MBD2: variants seen among roughly 807,000 people sequenced by gnomAD.
MBD2 encodes the protein methyl-CpG binding domain protein 2.
In MBD2, 9 loss-of-function variants were observed where a neutral mutation model predicts 39.3. The ratio of observed to expected loss-of-function variants is 0.23; its 90% CI spans 0.14 to 0.40. MBD2 has a LOEUF of 0.40. Ranked by LOEUF, MBD2 falls within the 10% of genes least tolerant of loss-of-function variation. MBD2 has a pLI of 1.00. For synonymous variants in MBD2, 233 were observed against 211.1 expected (o/e 1.10, Z -0.90); for missense variants, 458 against 532.6 (o/e 0.86, Z 1.38).
intron 2 of MBD2, among the ~76,000 whole-genome samples, 175 bp downstream of exon 2, chr18:54,204,823 T>A (rs938730176): frequency 1.3e-5 from 2 of 152,170 alleles, no homozygotes; most frequent in Admixed American, 6.5e-5. Context: ...GAAATGCTGT[T>A]TTCTACTGTG....
At chr18:54,204,698 C>G (rs532104718) in intron 2 of MBD2, among the ~76,000 whole-genome samples, 1 of 152,244 alleles carries the variant, frequency 6.6e-6, no homozygotes, top group South Asian at 2.1e-4. Context: ...TTTTGGTCAA[C>G]AGGAACTATT....
rs550286489 is a variant in MBD2, at chr18:54,181,562, C to T, written c.840+7312G>A. Among the ~76,000 whole-genome samples, 51 of 152,038 alleles carry T rather than the reference C, an allele frequency of 3.4e-4. No individual in the cohort carries two copies. The South Asian group carries it at 9.8e-3, about 29-fold the overall frequency. On this transcript the variant is annotated intron_variant, in intron 3 of 6. Coordinates refer to ENST00000256429, the MANE Select transcript of MBD2 (RefSeq NM_003927.5). Reference sequence around the variant, plus strand: ...TCGCCCAGGCTGGAGTGCAGCGGTGCGATCTCGGCTCACTACAACCTCCAC... The same window carrying T: ...TCGCCCAGGCTGGAGTGCAGCGGTGTGATCTCGGCTCACTACAACCTCCAC...
At chr18:54,199,994 A>G (rs1203966664) in intron 2 of MBD2, among the ~76,000 whole-genome samples, 5 of 152,190 alleles carry the variant, frequency 3.3e-5, no homozygotes, top group African/African-American at 1.2e-4. Context: ...TTTCTAGATC[A>G]TGTGACTGAG....
chr18:54,193,123 C>G (rs1421770267), intron 2 of MBD2, among the ~76,000 whole-genome samples: 2 of 152,206 alleles, frequency 1.3e-5, no homozygotes, highest in African/African-American at 4.8e-5. Flanking sequence ...ACAGTCAATT[C>G]TATTACCTCT....
At chr18:54,212,982 T>C (rs1391108090) in intron 1 of MBD2, among the ~76,000 whole-genome samples, 1 of 141,004 alleles carries the variant, frequency 7.1e-6, no homozygotes, top group Non-Finnish European at 1.5e-5. Context: ...CAGTGAGCCA[T>C]GACCACATCA....
chr18:54,190,317 G>A (rs1159897602), intron 2 of MBD2, among the ~76,000 whole-genome samples: 2 of 152,156 alleles, frequency 1.3e-5, no homozygotes, highest in African/African-American at 2.4e-5. Flanking sequence ...CCCCAGGTCT[G>A]TTTGGGTTTT....
intron 5 of MBD2, among the ~76,000 whole-genome samples, chr18:54,161,794 C>T (rs898399879): frequency 2.1e-4 from 32 of 152,176 alleles, no homozygotes; most frequent in Non-Finnish European, 4.6e-4. Flanking sequence ...ATAATTCTCT[C>T]CTCTTAAGGG....
chr18:54,224,361 C>T lies in MBD2; in HGVS notation c.199G>A (p.Ala67Thr). 1 of 1,181,808 alleles carries T rather than the reference C, an allele frequency of 8.5e-7. No individual in the cohort carries two copies. The highest frequency in any genetic ancestry group is 1.0e-6 in the Non-Finnish European group (1 of 954,872). 73.2% of individuals were successfully genotyped at this position (1,181,808 alleles called of 1,614,324 possible). A position where few individuals can be genotyped will look rare whatever the true frequency, so the allele number is the denominator to read the frequency against. Residue 67 changes from alanine to threonine, a missense_variant, in exon 1 of 7, where the codon GCG (alanine) becomes ACG (threonine). Physicochemically the swap from Ala to Thr is moderately conservative, Grantham distance 58. Transcript: ENST00000256429. ...GGRGRGRWKQ[A>T]GRGGGVCGRG... ...CCACAGACGCCGCCGCCCCGGCCCG[C>T]CTGCTTCCACCGCCCCCGGCCACGG...
chr18:54,224,297 C>G lies in MBD2; in HGVS notation c.263G>C (p.Arg88Pro), dbSNP rs2086643069. Residue 88 changes from arginine to proline, a missense_variant, in exon 1 of 7, where the codon CGG becomes CCG. By Grantham distance (103) the Arg-to-Pro change is moderately radical. This residue lies in a region of MBD2 where 269 missense variants were observed against 236.0 expected (regional missense o/e 1.14). Transcript: ENST00000256429. Reference sequence around the variant, plus strand: ...ACGGCCGCGGCCCCGGCCCCGGCCCCGTCCCCGTCCCCGGCCACGGCCCCG... The same window carrying G: ...ACGGCCGCGGCCCCGGCCCCGGCCCGGTCCCCGTCCCCGGCCACGGCCCCG... Reference protein sequence around the residue: ...RGRGRGRGRGRGRGRGRGRPP... With the variant: ...RGRGRGRGRGPGRGRGRGRPP... 9 of 950,656 alleles carry G rather than the reference C, an allele frequency of 9.5e-6. No individual in the cohort carries two copies. The highest frequency in any genetic ancestry group is 9.3e-5 in the South Asian group (2 of 21,414). The allele number at this position is 950,656 out of a possible 1,614,324, so 58.9% of individuals were successfully genotyped here.
chr18:54,203,818 G>C (rs1263141428), intron 2 of MBD2, among the ~76,000 whole-genome samples: 4 of 152,210 alleles, frequency 2.6e-5, no homozygotes, highest in South Asian at 2.1e-4. Flanking sequence ...GCTCAGGAAG[G>C]GGGTGGCTTA....
chr18:54,180,903 C>CTTTTTTTTTTTTTTTTTTTTTTTTT (rs1189903798), intron 3 of MBD2, among the ~76,000 whole-genome samples: 5 of 49,876 alleles, frequency 1.0e-4, no homozygotes, highest in Non-Finnish European at 1.3e-4. Flanking sequence ...TTTTCTTTTT[C>CTTTTTTTTTTTTTTTTTTTTTTTTT]TTTTTTTTTT....
chr18:54,201,731 C>G (rs571855213), intron 2 of MBD2, among the ~76,000 whole-genome samples: 8 of 151,792 alleles, frequency 5.3e-5, no homozygotes, highest in African/African-American at 1.4e-4. Context: ...GGCGTGGTGG[C>G]GGGTGCCTGT....
At chr18:54,211,913 T>C (rs2086511213) in intron 1 of MBD2, among the ~76,000 whole-genome samples, 1 of 151,690 alleles carries the variant, frequency 6.6e-6, no homozygotes, top group South Asian at 2.1e-4. Context: ...TGGAGTGCAA[T>C]GGCACAATCT....
chr18:54,224,581 G>A lies in MBD2; in HGVS notation c.-22C>T. On this transcript the variant is annotated 5_prime_UTR_variant, in exon 1 of 7. Coordinates refer to ENST00000256429, the MANE Select transcript of MBD2 (RefSeq NM_003927.5). Reference sequence around the variant, plus strand: ...GCATCCAGCCCCCTCCCCAGCCGGCGCTGCGCTTCTTCCGTAACCGAGCCC... The same window carrying A: ...GCATCCAGCCCCCTCCCCAGCCGGCACTGCGCTTCTTCCGTAACCGAGCCC... 8.2e-7 allele frequency: 1 copy of A among 1,221,570 alleles called. No homozygotes were observed. The highest frequency in any genetic ancestry group is 1.0e-6 in the Non-Finnish European group (1 of 979,888). 75.7% of individuals were successfully genotyped at this position (1,221,570 alleles called of 1,614,324 possible).
At chr18:54,168,136 A>G (rs537461320) in intron 3 of MBD2, among the ~76,000 whole-genome samples, 1 of 151,740 alleles carries the variant, frequency 6.6e-6, no homozygotes, top group East Asian at 1.9e-4. Flanking sequence ...TTGTAAAAAT[A>G]AATCAACACT....
Position 54,177,094 on chromosome 18 carries a change from G to A in MBD2, c.841-10928C>T, listed in dbSNP as rs141605041. On this transcript the variant is annotated intron_variant, in intron 3 of 6. Coordinates refer to ENST00000256429, the MANE Select transcript of MBD2 (RefSeq NM_003927.5). ...TGACCATGGAATAAGAGTATCATTC[G>A]TGGTGCCTAGATTTTTCATGTGCTC... 7.9e-3 allele frequency among the ~76,000 whole-genome samples: 1,203 copies of A among 152,238 alleles called. 19 individuals are homozygous for A. Among genetic ancestry groups the A allele is most frequent in the Non-Finnish European group, 8.9e-3 (604 of 68,012 alleles).
At chr18:54,216,601 A>T (rs2086563760) in intron 1 of MBD2, among the ~76,000 whole-genome samples, 1 of 152,244 alleles carries the variant, frequency 6.6e-6, no homozygotes, top group South Asian at 2.1e-4. Flanking sequence ...CAAATGCCAT[A>T]GGAGTTTCCC....
intron 1 of MBD2, among the ~76,000 whole-genome samples, chr18:54,219,308 C>G (rs2086588928): frequency 6.6e-6 from 1 of 152,200 alleles, no homozygotes; most frequent in Non-Finnish European, 1.5e-5. Flanking sequence ...TTTATCCCAA[C>G]ACACCACCAC....
Position 54,224,512 on chromosome 18 carries a change from C to G in MBD2, c.48G>C (p.Glu16Asp). 1 of 1,234,756 alleles carries G rather than the reference C, an allele frequency of 8.1e-7. No homozygotes were observed. The highest frequency in any genetic ancestry group is 1.0e-6 in the Non-Finnish European group (1 of 990,310). The allele number at this position is 1,234,756 out of a possible 1,614,324, so 76.5% of individuals were successfully genotyped here. A position where few individuals can be genotyped will look rare whatever the true frequency, so the allele number is the denominator to read the frequency against. The change falls in exon 1 of 7, where the codon GAG becomes GAC. Residue 16 changes from glutamate to aspartate, a missense_variant. By Grantham distance (45) the Glu-to-Asp change is conservative. Transcript: ENST00000256429. ...GGGRCCPEQEEGESAAGGSGA... is the reference protein window; with the variant it reads ...GGGRCCPEQEDGESAAGGSGA... ...CGCTGCCGCCCGCCGCACTCTCCCC[C>G]TCCTCCTGCTCCGGGCAGCAGCGGC...
Sources: allele counts gnomAD v4.1 joint callset (sites outside exome capture counted in the v4.1 genomes callset), GRCh38; gene constraint gnomAD v4.1.1; regional missense constraint gnomAD v4.1.1; transcripts MANE v1.5; gene names NCBI Gene and HGNC (gene_info 2026-07-23, HGNC 2026-07-21).